SETD6: variants seen among roughly 807,000 people sequenced by gnomAD.
SETD6 encodes the protein N-lysine methyltransferase SETD6.
A neutral mutation model predicts 52.7 loss-of-function variants in SETD6; 67 were observed. The ratio of observed to expected loss-of-function variants is 1.27; its 90% CI spans 1.04 to 1.56. SETD6 has a LOEUF of 1.56. SETD6 is among the 40% of genes most tolerant of loss of function. SETD6 has a pLI of 0.00. For missense variants in SETD6, 712 were observed against 607.5 expected (o/e 1.17, Z -1.81); for synonymous variants, 307 against 250.2 (o/e 1.23, Z -2.14).
Position 58,520,746 on chromosome 16 carries a change from C to G in SETD6, c.*1717C>G, listed in dbSNP as rs2039340352. 1.7e-6 allele frequency: 1 copy of G among 571,774 alleles called. No individual in the cohort carries two copies. The highest frequency in any genetic ancestry group is 1.9e-5 in the African/African-American group (1 of 53,400). The allele number at this position is 571,774 out of a possible 1,614,324, so 35.4% of individuals were successfully genotyped here. ...TTCAAAATGATATTCACAGCATCTTCTAAATTTTGGCCAAGAGTCAAAAAA... is the reference window on the plus strand; with the variant it reads ...TTCAAAATGATATTCACAGCATCTTGTAAATTTTGGCCAAGAGTCAAAAAA... On this transcript the variant is annotated 3_prime_UTR_variant, in exon 8 of 8. Coordinates refer to ENST00000219315, the MANE Select transcript of SETD6 (RefSeq NM_001160305.4).
chr16:58,515,752 C>T, intron 1 of SETD6, 39 bp from the exon 2 acceptor site: 4 of 1,431,012 alleles, frequency 2.8e-6, no homozygotes, highest in Non-Finnish European at 2.7e-6. Flanking sequence ...AGCGGCCTCT[C>T]TGGGGGTCGG....
Position 58,518,145 on chromosome 16 carries a change from T to G in SETD6, c.887T>G (p.Met296Arg). 6.2e-7 allele frequency: 1 copy of G among 1,614,264 alleles called. No individual in the cohort carries two copies. ...ATGGCTAACTGGCAACTGATTCATA[T>G]GTACGGTTTTGTTGAACCATATCCT... The part of the protein sequence containing the change: ...GQMANWQLIH[M>R]YGFVEPYPDN... The change falls in exon 6 of 8, where the codon ATG becomes AGG. Residue 296 changes from methionine (M) to arginine (R), a missense_variant. By Grantham distance (91) the Met-to-Arg change is moderately conservative (BLOSUM62 -1). Transcript: ENST00000219315.
rs1446089822 is a variant in SETD6 at position 58,518,954 on chromosome 16, G to C, written c.1347G>C (p.Trp449Cys). ...SNKEVYAKLS[W>C]REQQALQVRY... ...AGGAAGTCTATGCGAAACTCAGCTG[G>C]AGGGAACAGCAAGCCTTACAGGTTC... The change falls in exon 8 of 8, where the codon TGG becomes TGC. Residue 449 changes from tryptophan to cysteine, a missense_variant. Coordinates refer to ENST00000219315, the MANE Select transcript of SETD6 (RefSeq NM_001160305.4). 5.0e-6 allele frequency: 8 copies of C among 1,614,090 alleles called. No homozygotes were observed. The highest frequency in any genetic ancestry group is 5.9e-6 in the Non-Finnish European group (7 of 1,180,046).
In SETD6 at chr16:58,518,434, A is replaced by G. The variant is rs2039247136; in HGVS notation, c.1007A>G (p.Tyr336Cys). Residue 336 changes from tyrosine to cysteine, a missense_variant, in exon 7 of 8, where the codon TAC (tyrosine) becomes TGC (cysteine). Tyr to Cys is a radical substitution (Grantham distance 194). Coordinates refer to ENST00000219315, the MANE Select transcript of SETD6 (RefSeq NM_001160305.4). ...TKTEAERHLVYERWDFLCKLE... is the reference protein window; with the variant it reads ...TKTEAERHLVCERWDFLCKLE... The stretch of plus-strand genomic sequence containing the variant: ...ACTGAAGCTGAAAGGCACCTAGTGT[A>G]CGAGCGCTGGGATTTCCTATGCAAA... The G allele has an allele frequency of 1.3e-6, 2 of 1,586,240 alleles. No individual in the cohort carries two copies. Among genetic ancestry groups the G allele is most frequent in the East Asian group, 2.2e-5 (1 of 44,806 alleles).
At position 58,521,385 on chromosome 16, in the gene SETD6, C is replaced by G; in HGVS notation, c.*2356C>G. The G allele has an allele frequency of 6.7e-7, 1 of 1,495,860 alleles. No individual in the cohort carries two copies. Among genetic ancestry groups the G allele is most frequent in the East Asian group, 2.3e-5 (1 of 44,172 alleles). The allele number at this position is 1,495,860 out of a possible 1,614,324, so 92.7% of individuals were successfully genotyped here. On this transcript the variant is annotated 3_prime_UTR_variant, in exon 8 of 8. Coordinates refer to ENST00000219315, the MANE Select transcript of SETD6 (RefSeq NM_001160305.4). ...CAAATTCATGATTATTCTTCCATTA[C>G]TTTTTTTCTAACTTCTCCCTGACTA...
At position 58,523,696 on chromosome 16, in the gene SETD6, G is replaced by A; in HGVS notation, c.*4667G>A. On this transcript the variant is annotated 3_prime_UTR_variant, in exon 8 of 8. Transcript: ENST00000219315. Reference sequence around the variant, plus strand: ...TCAGAATTTTCCACATTAGAAATTAGATTTTAAAAATATTCATTTTTAAAA... The same window carrying A: ...TCAGAATTTTCCACATTAGAAATTAAATTTTAAAAATATTCATTTTTAAAA... 2.2e-6 allele frequency: 1 copy of A among 458,350 alleles called. No homozygotes were observed. The highest frequency in any genetic ancestry group is 3.9e-6 in the Non-Finnish European group (1 of 259,444). 28.4% of individuals were successfully genotyped at this position (458,350 alleles called of 1,614,324 possible).
In SETD6 at chr16:58,516,097, G is replaced by A; in HGVS notation, c.334G>A (p.Glu112Lys). 1 of 1,381,054 alleles carries A rather than the reference G, an allele frequency of 7.2e-7. No individual in the cohort carries two copies. The highest frequency in any genetic ancestry group is 9.3e-7 in the Non-Finnish European group (1 of 1,071,434). The allele number at this position is 1,381,054 out of a possible 1,614,324, so 85.5% of individuals were successfully genotyped here. A position where few individuals can be genotyped will look rare whatever the true frequency, so the allele number is the denominator to read the frequency against. The change falls in exon 2 of 8, where the codon GAG becomes AAG. Residue 112 changes from glutamate to lysine, a missense_variant and splice_region_variant. Transcript: ENST00000219315. ...TCSIGGLLER[E>K]RVALQSQSGW... ...CTCCATCGGCGGCCTGCTGGAGCGA[G>A]GTGGGCACGGCGGCGGGCTAGGGCC...
chr16:58,518,519 AGAG>A lies in SETD6; in HGVS notation c.1096_1098del (p.Glu366del). 3.8e-6 allele frequency: 6 copies of A among 1,595,658 alleles called. 1 individual carries two copies. Among genetic ancestry groups the A allele is most frequent in the South Asian group, 2.3e-5 (2 of 86,904 alleles). ...TAGGGAGGGAGGAGGTGCTGACTGA[AGAG>A]GAGCTGACCACCACACTAAAGGTAA... On this transcript the variant is annotated inframe_deletion, in exon 7 of 8. Transcript: ENST00000219315.
rs961604202 is a variant in SETD6, at chr16:58,515,910, C to T, written c.147C>T (p.Thr49=). The change falls in exon 2 of 8, where the codon ACC becomes ACT. Residue 49 remains threonine, a synonymous_variant. Coordinates refer to ENST00000219315, the MANE Select transcript of SETD6 (RefSeq NM_001160305.4). ...KVSERAGGRR[T]RGGARAALTS... ...GCGAGCGAGCCGGCGGGCGGAGGACCCGCGGCGGGGCGCGGGCTGCCCTGA... is the reference window on the plus strand; with the variant it reads ...GCGAGCGAGCCGGCGGGCGGAGGACTCGCGGCGGGGCGCGGGCTGCCCTGA... 1.9e-5 allele frequency: 28 copies of T among 1,505,166 alleles called. No individual in the cohort carries two copies. The highest frequency in any genetic ancestry group is 2.3e-5 in the Non-Finnish European group (26 of 1,136,114). The allele number at this position is 1,505,166 out of a possible 1,614,324, so 93.2% of individuals were successfully genotyped here.
In SETD6 at chr16:58,518,420, AAG is replaced by A. The variant is rs2039246269; in HGVS notation, c.994_995del (p.Arg332AlafsTer32). 1.9e-6 allele frequency: 3 copies of A among 1,582,438 alleles called. No individual in the cohort carries two copies. The highest frequency in any genetic ancestry group is 2.6e-6 in the Non-Finnish European group (3 of 1,170,384). On this transcript the variant is annotated frameshift_variant, in exon 7 of 8. Transcript: ENST00000219315. LOFTEE classifies it high-confidence loss of function. ...CTACAGGAACAAAAACTGAAGCTGA[AAG>A]GCACCTAGTGTACGAGCGCTGGGAT... ...ALQGTKTEAE[R>X]HLVYERWDFL...
At chr16:58,515,610 C>G (rs1053678066) in intron 1 of SETD6, 46 bp downstream of exon 1, 5 of 1,485,254 alleles carry the variant, frequency 3.4e-6, no homozygotes, top group African/African-American at 1.5e-5. Context: ...GCGCCTCACC[C>G]CTTCTCCGTT....
chr16:58,516,855 C>G lies in SETD6; in HGVS notation c.719C>G (p.Ser240Cys), dbSNP rs1352375380. Residue 240 changes from serine to cysteine, a missense_variant, in exon 5 of 8, where the codon TCC becomes TGC. Physicochemically the swap from Ser to Cys is moderately radical, Grantham distance 112. Coordinates refer to ENST00000219315, the MANE Select transcript of SETD6 (RefSeq NM_001160305.4). ...GAAGAGGATGAAAAGGAGCCCAACT[C>G]CCCCGTGATGGTGCCTGCTGCAGAC... ...EEEEDEKEPN[S>C]PVMVPAADIL... is the part of the protein sequence containing the mutation. 4 of 1,614,194 alleles carry G rather than the reference C, an allele frequency of 2.5e-6. No individual in the cohort carries two copies. The highest frequency in any genetic ancestry group is 1.3e-5 in the African/African-American group (1 of 75,046).
At chr16:58,515,758 G>C in intron 1 of SETD6, 33 bp from the exon 2 acceptor site, 1 of 1,440,746 alleles carries the variant, frequency 6.9e-7, no homozygotes. Flanking sequence ...CTCTCTGGGG[G>C]TCGGACCTGG....
rs983519087 is a variant in SETD6 at position 58,519,097 on chromosome 16, GA to G, written c.*73del. 2 of 1,434,598 alleles carry G rather than the reference GA, an allele frequency of 1.4e-6. No homozygotes were observed. Among genetic ancestry groups the G allele is most frequent in the South Asian group, 2.9e-5 (2 of 69,994 alleles). The allele number at this position is 1,434,598 out of a possible 1,614,324, so 88.9% of individuals were successfully genotyped here. On this transcript the variant is annotated 3_prime_UTR_variant, in exon 8 of 8. Coordinates refer to ENST00000219315, the MANE Select transcript of SETD6 (RefSeq NM_001160305.4). The stretch of plus-strand genomic sequence containing the variant: ...TCTAAGCTAATACTCATTGATGTTT[GA>G]AAAAGAGGAAAATTTGGATCTTTCT...
rs1404125009 is a variant in SETD6, at chr16:58,518,383, T to C, written c.974-18T>C. ...CCTTGGGTGTACTGAGACTTTCACATTGCTGTTTCATCTACAGGAACAAAA... is the reference window on the plus strand; with the variant it reads ...CCTTGGGTGTACTGAGACTTTCACACTGCTGTTTCATCTACAGGAACAAAA... On this transcript the variant is annotated intron_variant, in intron 6 of 7. Coordinates refer to ENST00000219315, the MANE Select transcript of SETD6 (RefSeq NM_001160305.4). The C allele has an allele frequency of 3.2e-6, 5 of 1,580,690 alleles. No homozygotes were observed. The South Asian group carries it at 3.5e-5, about 11-fold the overall frequency.
chr16:58,517,318 G>T, intron 5 of SETD6: 1 of 308,040 alleles, frequency 3.2e-6, no homozygotes, highest in Non-Finnish European at 6.4e-6. Flanking sequence ...GGTCTAAGAC[G>T]ATCCTAGAAC....
rs777921861 is a variant in SETD6 at position 58,518,385 on chromosome 16, G to A, written c.974-16G>A. The A allele has an allele frequency of 1.2e-5, 19 of 1,580,320 alleles. No homozygotes were observed. Among genetic ancestry groups the A allele is most frequent in the Non-Finnish European group, 1.5e-5 (17 of 1,167,376 alleles). On this transcript the variant is annotated splice_polypyrimidine_tract_variant and intron_variant, in intron 6 of 7. Transcript: ENST00000219315. ...TTGGGTGTACTGAGACTTTCACATT[G>A]CTGTTTCATCTACAGGAACAAAAAC...
In SETD6 at chr16:58,518,772, G is replaced by A. The variant is rs1181272962; in HGVS notation, c.1165G>A (p.Gly389Arg). The A allele has an allele frequency of 1.2e-6, 2 of 1,614,026 alleles. No homozygotes were observed. The highest frequency in any genetic ancestry group is 2.7e-5 in the African/African-American group (2 of 74,908). The change falls in exon 8 of 8, where the codon GGA becomes AGA. Residue 389 changes from glycine to arginine, a missense_variant. Physicochemically the swap from Gly to Arg is moderately radical, Grantham distance 125. Transcript: ENST00000219315. ...GTTCAGAGAGCTTAAAGACCAGGAT[G>A]GAGGGGGAGATGATAAAAGGGAAGA... ...EEFRELKDQD[G>R]GGDDKREEGS...
rs1186391540 is a variant in SETD6 at position 58,522,226 on chromosome 16, C to T, written c.*3197C>T. Among the ~76,000 whole-genome samples, 3 of 117,378 alleles carry T rather than the reference C, an allele frequency of 2.6e-5. No individual in the cohort carries two copies. The highest frequency in any genetic ancestry group is 3.6e-5 in the African/African-American group (1 of 27,494). 77.0% of individuals were successfully genotyped at this position (117,378 alleles called of 152,430 possible). A position where few individuals can be genotyped will look rare whatever the true frequency, so the allele number is the denominator to read the frequency against. On this transcript the variant is annotated 3_prime_UTR_variant, in exon 8 of 8. Transcript: ENST00000219315. ...CCCAGCTACTCAGGAGGCGACAAAG[C>T]GAGACTGTCTCAAAAAAAAAAAAAA... is the stretch of plus-strand genomic sequence containing the variant.
Sources: allele counts gnomAD v4.1 joint callset (sites outside exome capture counted in the v4.1 genomes callset), GRCh38; gene constraint gnomAD v4.1.1; transcripts MANE v1.5; gene names NCBI Gene and HGNC (gene_info 2026-07-23, HGNC 2026-07-21).